The following MYRIP variants were observed in gnomAD, a reference collection of about 807,000 sequenced individuals.
MYRIP encodes rab effector MyRIP.
MYRIP carries 49 observed loss-of-function variants against 98.0 expected under a neutral mutation model. The observed-to-expected ratio is 0.50, with a 90% confidence interval of 0.40 to 0.63. The LOEUF (loss-of-function observed/expected upper bound fraction) is 0.63, where lower values mean the gene tolerates loss of function less well. Ranked by LOEUF, MYRIP falls within the 30% of genes least tolerant of loss-of-function variation. The pLI, the probability that MYRIP is intolerant of heterozygous loss-of-function variation, is 0.00. For synonymous variants in MYRIP, 404 were observed against 409.5 expected (o/e 0.99, Z 0.16); for missense variants, 1,004 against 1,058.2 (o/e 0.95, Z 0.71).
At chr3:40,052,288 A>G (rs1284735275) in intron 3 of MYRIP, among the ~76,000 whole-genome samples, 1 of 151,974 alleles carries the variant, frequency 6.6e-6, no homozygotes, top group East Asian at 1.9e-4. Context: ...AACATGTAAT[A>G]TTTGTCTTTC....
intron 2 of MYRIP, among the ~76,000 whole-genome samples, chr3:40,043,710 G>T (rs900094855): frequency 4.6e-5 from 7 of 152,070 alleles, no homozygotes; most frequent in African/African-American, 1.7e-4. Flanking sequence ...CCTTTAAAAA[G>T]GCATTAATTA....
At chr3:40,128,891 T>G (rs1166258354) in intron 3 of MYRIP, among the ~76,000 whole-genome samples, 1 of 152,264 alleles carries the variant, frequency 6.6e-6, no homozygotes, top group Non-Finnish European at 1.5e-5. Context: ...ATTTAGCTTG[T>G]TGCAGATTGC....
chr3:40,147,478 G>A (rs1458008164), intron 3 of MYRIP, among the ~76,000 whole-genome samples: 1 of 152,076 alleles, frequency 6.6e-6, no homozygotes, highest in African/African-American at 2.4e-5. Context: ...TATAAATAGG[G>A]TGAAAATTAA....
chr3:39,836,553 C>T (rs1941631897), intron 1 of MYRIP, among the ~76,000 whole-genome samples: 1 of 152,020 alleles, frequency 6.6e-6, no homozygotes, highest in Non-Finnish European at 1.5e-5. Flanking sequence ...GGCAGTGCTC[C>T]TTTTGCGAGG....
rs535617170 is a variant in MYRIP, at chr3:40,006,247, G to A, written c.111-37803G>A. ...ATTTCATTCAGGAAAGGTCCTTCTT[G>A]CCGTAGTTTAGAGAAGGAAAATAGA... is the stretch of plus-strand genomic sequence containing the variant. On this transcript the variant is annotated intron_variant, in intron 2 of 16. Coordinates refer to ENST00000302541, the MANE Select transcript of MYRIP (RefSeq NM_015460.4). Among the ~76,000 whole-genome samples, 70 of 152,264 alleles carry A rather than the reference G, an allele frequency of 4.6e-4. No homozygotes were observed. In the South Asian group the frequency reaches 0.01, roughly 23 times the overall value.
intron 2 of MYRIP, among the ~76,000 whole-genome samples, chr3:39,944,583 G>T (rs935284131): frequency 6.6e-6 from 1 of 152,046 alleles, no homozygotes. Flanking sequence ...TATGGGGAAG[G>T]GAATTGGGTA....
In MYRIP at chr3:40,248,696, T is replaced by C. The variant is rs181087574; in HGVS notation, c.2263-1526T>C. 2.6e-5 allele frequency among the ~76,000 whole-genome samples: 4 copies of C among 152,334 alleles called. No individual in the cohort carries two copies. In the East Asian group the frequency reaches 7.7e-4, roughly 29 times the overall value. On this transcript the variant is annotated intron_variant, in intron 13 of 16. Coordinates refer to ENST00000302541, the MANE Select transcript of MYRIP (RefSeq NM_015460.4). The stretch of plus-strand genomic sequence containing the variant: ...AGCAAGGCCCTCCATCAAAACTGCT[T>C]CCAGGGAAGAATGTGAGCATCTAAT...
At position 40,190,197 on chromosome 3, in the gene MYRIP, G is replaced by A. The variant is rs138572237; in HGVS notation, c.1399G>A (p.Gly467Arg). 531 of 1,614,018 alleles carry A rather than the reference G, an allele frequency of 3.3e-4. 1 individual carries two copies. Among genetic ancestry groups the A allele is most frequent in the Non-Finnish European group, 3.5e-4 (409 of 1,180,036 alleles). Residue 467 changes from glycine (G) to arginine (R), a missense_variant, in exon 10 of 17, where the codon GGG (glycine) becomes AGG (arginine). Transcript: ENST00000302541. Reference protein sequence around the residue: ...TSSAGSSREVGHQARLSWLQR... With the variant: ...TSSAGSSREVRHQARLSWLQR... Reference sequence around the variant, plus strand: ...CTCCGCAGGCTCTTCCCGAGAAGTTGGGCACCAGGCCAGACTGTCCTGGTT... The same window carrying A: ...CTCCGCAGGCTCTTCCCGAGAAGTTAGGCACCAGGCCAGACTGTCCTGGTT...
intron 11 of MYRIP, among the ~76,000 whole-genome samples, chr3:40,219,938 T>G (rs1205914582): frequency 2.0e-5 from 3 of 147,994 alleles, no homozygotes; most frequent in South Asian, 2.2e-4. Flanking sequence ...TGAACTAGTT[T>G]ACAGTCCCAC....
chr3:39,926,894 GT>G (rs1236445628), intron 2 of MYRIP, among the ~76,000 whole-genome samples: 1 of 151,950 alleles, frequency 6.6e-6, no homozygotes, highest in East Asian at 1.9e-4. Flanking sequence ...TAGGAGTAGT[GT>G]TGAGTCTGTA....
intron 3 of MYRIP, among the ~76,000 whole-genome samples, chr3:40,149,170 A>G (rs1950067252): frequency 6.6e-6 from 1 of 152,252 alleles, no homozygotes; most frequent in Non-Finnish European, 1.5e-5. Flanking sequence ...AGGTGCCAGC[A>G]TCTGCTTCTG....
At chr3:39,916,323 T>C (rs945071338) in intron 2 of MYRIP, among the ~76,000 whole-genome samples, 10 of 151,848 alleles carry the variant, frequency 6.6e-5, no homozygotes, top group Middle Eastern at 3.2e-3. Context: ...CAATTCAAGA[T>C]GATACAACAC....
At chr3:40,244,922 C>A (rs1953141487) in intron 13 of MYRIP, among the ~76,000 whole-genome samples, 1 of 152,218 alleles carries the variant, frequency 6.6e-6, no homozygotes, top group Admixed American at 6.5e-5. Context: ...CCAAGACCAT[C>A]CTTTTCTGAC....
At chr3:39,853,336 T>C (rs1942194761) in intron 1 of MYRIP, among the ~76,000 whole-genome samples, 1 of 152,242 alleles carries the variant, frequency 6.6e-6, no homozygotes, top group South Asian at 2.1e-4. Flanking sequence ...CTCCATGCTG[T>C]TTCCCATAGT....
intron 2 of MYRIP, among the ~76,000 whole-genome samples, chr3:40,019,496 C>T (rs891055559): frequency 2.0e-5 from 3 of 152,178 alleles, no homozygotes; most frequent in African/African-American, 7.2e-5. Context: ...TCTGCTGCCT[C>T]CTTACATGCC....
intron 13 of MYRIP, among the ~76,000 whole-genome samples, chr3:40,248,898 C>A (rs1047134116): frequency 7.9e-5 from 12 of 152,218 alleles, no homozygotes; most frequent in Non-Finnish European, 1.5e-5. Context: ...CCTTCTGGGG[C>A]TGGCTACTGG....
At chr3:39,855,481 A>AGACTC (rs1553639632) in intron 1 of MYRIP, among the ~76,000 whole-genome samples, 4 of 152,106 alleles carry the variant, frequency 2.6e-5, no homozygotes, top group African/African-American at 9.7e-5. Context: ...GTCTGGTTTC[A>AGACTC]GACTCTCCTT....
At chr3:40,238,280 C>T (rs1952878460) in intron 12 of MYRIP, among the ~76,000 whole-genome samples, 1 of 152,224 alleles carries the variant, frequency 6.6e-6, no homozygotes, top group Non-Finnish European at 1.5e-5. Context: ...CTCTTTAATT[C>T]AACAGATCAC....
chr3:39,925,577 T>C (rs1240846071), intron 2 of MYRIP, among the ~76,000 whole-genome samples: 1 of 151,998 alleles, frequency 6.6e-6, no homozygotes, highest in African/African-American at 2.4e-5. Context: ...TGAGAACATG[T>C]GGTATTTGGT....
Sources: allele counts gnomAD v4.1 joint callset (sites outside exome capture counted in the v4.1 genomes callset), GRCh38; gene constraint gnomAD v4.1.1; transcripts MANE v1.5; gene names NCBI Gene and HGNC (gene_info 2026-07-23, HGNC 2026-07-21).